The following NUP155 variants were observed in gnomAD, a reference collection of about 807,000 sequenced individuals.
The protein encoded by NUP155 is nucleoporin 155, also known as nuclear pore complex protein Nup155.
In NUP155, 71 loss-of-function variants were observed where a neutral mutation model predicts 180.4. That is an observed-to-expected ratio of 0.39 (90% confidence interval 0.33 to 0.48). The LOEUF (loss-of-function observed/expected upper bound fraction) is 0.48, where lower values mean the gene tolerates loss of function less well. Ranked by LOEUF, NUP155 falls within the 20% of genes least tolerant of loss-of-function variation. The probability of loss-of-function intolerance (pLI) is 0.91; values close to 1 mark genes in which losing one functional copy is unlikely to be tolerated. For synonymous variants in NUP155, 582 were observed against 559.5 expected, an observed-to-expected ratio of 1.04 and a Z score of -0.57; for missense variants, 1,553 against 1,648.9, an observed-to-expected ratio of 0.94 and a Z score of 1.01.
chr5:37,367,030 G>A (rs578030148), intron 1 of NUP155, among the ~76,000 whole-genome samples: 2 of 151,282 alleles, frequency 1.3e-5, no homozygotes, highest in East Asian at 3.9e-4. Flanking sequence ...CACTGCACCC[G>A]GCCGAACTCT....
chr5:37,314,913 A>T (rs536227226), intron 21 of NUP155, among the ~76,000 whole-genome samples: 1 of 151,858 alleles, frequency 6.6e-6, no homozygotes, highest in South Asian at 2.1e-4. Flanking sequence ...CTTGGGACAA[A>T]AGTAAATGGT....
intron 1 of NUP155, among the ~76,000 whole-genome samples, chr5:37,365,225 T>C (rs1211118550): frequency 2.6e-5 from 4 of 151,304 alleles, no homozygotes. Context: ...TGTCATTGCA[T>C]TCCAGCCTGA....
intron 30 of NUP155, chr5:37,300,943 C>T: frequency 1.2e-5 from 2 of 170,438 alleles, no homozygotes; most frequent in Non-Finnish European, 1.3e-5. Context: ...CCTGCCTCAG[C>T]CTCCCAGGTA....
At chr5:37,316,300 G>A (rs1743883299) in intron 21 of NUP155, among the ~76,000 whole-genome samples, 1 of 152,188 alleles carries the variant, frequency 6.6e-6, no homozygotes, top group African/African-American at 2.4e-5. Context: ...AGGACAGTAT[G>A]CTAAGTGACA....
chr5:37,347,126 G>A (rs891709422), intron 9 of NUP155, among the ~76,000 whole-genome samples: 1 of 152,154 alleles, frequency 6.6e-6, no homozygotes, highest in Non-Finnish European at 1.5e-5. Flanking sequence ...CGCTCGGGAG[G>A]CTTAGGTGGG....
At position 37,305,318 on chromosome 5, in the gene NUP155, G is replaced by C; in HGVS notation, c.2904-108C>G. The C allele has an allele frequency of 3.2e-6, 3 of 948,018 alleles. No homozygotes were observed. The South Asian group carries it at 4.1e-5, about 13-fold the overall frequency. The allele number at this position is 948,018 out of a possible 1,614,324, so 58.7% of individuals were successfully genotyped here. A position where few individuals can be genotyped will look rare whatever the true frequency, so the allele number is the denominator to read the frequency against. Reference sequence around the variant, plus strand: ...GCCAGCCATAGGGAAGTCAAGGTAGGAGGACGGCTTGAGGCTGGGAGTTCA... The same window carrying C: ...GCCAGCCATAGGGAAGTCAAGGTAGCAGGACGGCTTGAGGCTGGGAGTTCA... On this transcript the variant is annotated intron_variant, in intron 25 of 34. Transcript: ENST00000231498.
intron 27 of NUP155, 91 bp from the exon 28 acceptor site, chr5:37,303,505 C>A: frequency 9.2e-7 from 1 of 1,088,132 alleles, no homozygotes; most frequent in Non-Finnish European, 1.4e-6. Flanking sequence ...AAGTCAACTA[C>A]AACTTTGCCT....
At chr5:37,299,206 C>T (rs771148159) in intron 31 of NUP155, among the ~76,000 whole-genome samples, 2 of 152,148 alleles carry the variant, frequency 1.3e-5, no homozygotes, top group Non-Finnish European at 2.9e-5. Context: ...TTTTATAAGG[C>T]AGCACAAATA....
chr5:37,295,370 G>A (rs529698653), intron 32 of NUP155, among the ~76,000 whole-genome samples: 45 of 152,308 alleles, frequency 3.0e-4, no homozygotes, highest in South Asian at 1.2e-3. Flanking sequence ...CCAGGCTGGA[G>A]TGCAGTGGCG....
At chr5:37,369,331 CA>C (rs1462004012) in intron 1 of NUP155, among the ~76,000 whole-genome samples, 1 of 151,882 alleles carries the variant, frequency 6.6e-6, no homozygotes, top group Non-Finnish European at 1.5e-5. Context: ...GTTTGTCAGG[CA>C]AAAAAAGAAC....
chr5:37,310,619 C>T lies in NUP155; in HGVS notation c.2561G>A (p.Gly854Asp), dbSNP rs1743466901. The part of the protein sequence containing the change: ...CYIRDNAAVD[G>D]ISLHLQDICP... ...GATATCCTGTAAATGTAAACTAATG[C>T]CATCAACAGCGGCATTATCTCTGAT... The change falls in exon 23 of 35, where the codon GGC becomes GAC. Residue 854 changes from glycine to aspartate, a missense_variant. Transcript: ENST00000231498. 1 of 1,613,536 alleles carries T rather than the reference C, an allele frequency of 6.2e-7. No homozygotes were observed. Among genetic ancestry groups the T allele is most frequent in the Non-Finnish European group, 8.5e-7 (1 of 1,179,678 alleles).
At chr5:37,344,572 T>C (rs1201195268) in intron 9 of NUP155, among the ~76,000 whole-genome samples, 1 of 150,038 alleles carries the variant, frequency 6.7e-6, no homozygotes, top group South Asian at 2.1e-4. Flanking sequence ...TAAATTCTGA[T>C]ATAACTGGAG....
chr5:37,351,350 C>A lies in NUP155; in HGVS notation c.563G>T (p.Gly188Val), dbSNP rs758741136. 5.0e-6 allele frequency: 8 copies of A among 1,609,910 alleles called. No homozygotes were observed. Among genetic ancestry groups the A allele is most frequent in the Non-Finnish European group, 6.8e-6 (8 of 1,176,582 alleles). The change falls in exon 6 of 35, where the codon GGA (glycine) becomes GTA (valine). Residue 188 changes from glycine to valine, a missense_variant. By Grantham distance (109) the Gly-to-Val change is moderately radical. Transcript: ENST00000231498. The stretch of plus-strand genomic sequence containing the variant: ...ACCAGACAAACTATCATTAAGAACT[C>A]CAGAACCTATTTAAGAAAGAATACA... ...LSYANLQTGS[G>V]VLNDSLSGGM... is the part of the protein sequence containing the mutation.
At chr5:37,331,010 G>A (rs1744923613) in intron 14 of NUP155, among the ~76,000 whole-genome samples, 1 of 151,876 alleles carries the variant, frequency 6.6e-6, no homozygotes, top group African/African-American at 2.4e-5. Flanking sequence ...TTAGCCAGGC[G>A]TGGTGGGGGG....
intron 33 of NUP155, among the ~76,000 whole-genome samples, chr5:37,294,027 A>AAAAAAAAAAAAAAAAAAAAAG (rs1742384337): frequency 1.3e-5 from 1 of 75,956 alleles, no homozygotes; most frequent in Non-Finnish European, 2.1e-5. Context: ...AAAAAAAAAA[A>AAAAAAAAAAAAAAAAAAAAAG]ATAAAGCAAA....
intron 21 of NUP155, among the ~76,000 whole-genome samples, 164 bp downstream of exon 21, chr5:37,317,824 A>G (rs1014803941): frequency 1.3e-5 from 2 of 151,686 alleles, no homozygotes; most frequent in Non-Finnish European, 2.9e-5. Context: ...AAGTGCTGGT[A>G]TTACAGGTGT....
Position 37,303,262 on chromosome 5 carries a change from A to C in NUP155, c.3315T>G (p.His1105Gln), listed in dbSNP as rs1742964866. ...ACAATAAGAATATTATGCCATACCT[A>C]TGCATGTCAGCCAGTCTGGACAGTA... ...ARVLSRLADM[H>Q]STEISLQQRL... The change falls in exon 28 of 35, where the codon CAT (histidine) becomes CAG (glutamine). Residue 1105 changes from histidine to glutamine, a missense_variant and splice_region_variant. Transcript: ENST00000231498. The C allele has an allele frequency of 1.9e-6, 3 of 1,613,990 alleles. No homozygotes were observed. In the East Asian group the frequency reaches 6.7e-5, roughly 36 times the overall value.
intron 11 of NUP155, among the ~76,000 whole-genome samples, chr5:37,339,767 TTTTG>T (rs1745590086): frequency 6.6e-6 from 1 of 152,130 alleles, no homozygotes; most frequent in African/African-American, 2.4e-5. Flanking sequence ...TGTTTTTTGT[TTTTG>T]TTTTTGTTTT....
Position 37,292,022 on chromosome 5 carries a change from G to A in NUP155, c.4054C>T (p.Leu1352Phe), listed in dbSNP as rs780388877. The A allele has an allele frequency of 2.5e-6, 4 of 1,613,936 alleles. No individual in the cohort carries two copies. Among genetic ancestry groups the A allele is most frequent in the South Asian group, 2.2e-5 (2 of 91,086 alleles). The change falls in exon 35 of 35, where the codon CTC becomes TTC. Residue 1352 changes from leucine to phenylalanine, a missense_variant. By Grantham distance (22) the Leu-to-Phe change is conservative. Coordinates refer to ENST00000231498, the MANE Select transcript of NUP155 (RefSeq NM_153485.3). ...LNCERRRFTNLCLDAVCGYLV... is the reference protein window; with the variant it reads ...LNCERRRFTNFCLDAVCGYLV... ...TAACCACAAACAGCATCCAGGCAGA[G>A]ATTTGTAAATCTTCTCCTACAACGA...
Sources: gnomAD v4.1 joint callset for allele counts (sites outside exome capture counted in the v4.1 genomes callset) on GRCh38, gnomAD v4.1.1 for gene constraint, MANE v1.5 for transcripts, NCBI Gene and HGNC (gene_info 2026-07-23, HGNC 2026-07-21) for gene names.